STS: variants seen among roughly 807,000 people sequenced by gnomAD.
The protein encoded by STS is steroid sulfatase.
In STS, 7 loss-of-function variants were observed where a neutral mutation model predicts 26.8. The ratio of observed to expected loss-of-function variants is 0.26; its 90% CI spans 0.15 to 0.49. The LOEUF (loss-of-function observed/expected upper bound fraction) is 0.49, where lower values mean the gene tolerates loss of function less well. STS is among the 20% of genes least tolerant of loss of function. The probability of loss-of-function intolerance (pLI) is 0.98; values close to 1 mark genes in which losing one functional copy is unlikely to be tolerated. For synonymous variants in STS, 199 were observed against 189.4 expected (o/e 1.05, Z -0.42); for missense variants, 434 against 465.6 (o/e 0.93, Z 0.63).
chrX:7,153,100 G>A (rs1199608388), intron 1 of STS, among the ~76,000 whole-genome samples: 2 of 111,662 alleles, frequency 1.8e-5, no homozygotes, highest in African/African-American at 6.5e-5. Context: ...TCACTGACTA[G>A]ACATGACTGG....
At chrX:7,207,532 A>G (rs1920959107) in intron 2 of STS, among the ~76,000 whole-genome samples, 1 of 111,754 alleles carries the variant, frequency 8.9e-6, no homozygotes, top group Non-Finnish European at 1.9e-5. Flanking sequence ...ATTTATACAT[A>G]TTAATTTTTT....
At chrX:7,344,183 G>T (rs1928420348) in intron 10 of STS, among the ~76,000 whole-genome samples, 1 of 111,748 alleles carries the variant, frequency 8.9e-6, no homozygotes, top group South Asian at 3.8e-4. Flanking sequence ...CATTTCAGGG[G>T]CTCAGCCCAG....
At chrX:7,214,837 G>A (rs1382700903) in intron 2 of STS, among the ~76,000 whole-genome samples, 2 of 105,797 alleles carry the variant, frequency 1.9e-5, no homozygotes, top group African/African-American at 6.9e-5. Context: ...TAGAATAATA[G>A]TCTCCAATCC....
intron 6 of STS, among the ~76,000 whole-genome samples, chrX:7,263,692 G>A (rs1923862189): frequency 8.9e-6 from 1 of 111,968 alleles, no homozygotes; most frequent in African/African-American, 3.3e-5. Flanking sequence ...CTGCTTATTG[G>A]TATTTTAATA....
intron 6 of STS, among the ~76,000 whole-genome samples, chrX:7,260,392 T>A (rs1190349994): frequency 7.2e-5 from 8 of 111,465 alleles, no homozygotes; most frequent in Admixed American, 6.6e-4. Flanking sequence ...GTGTCAGATA[T>A]CCCACTGGTT....
At chrX:7,149,025 A>G (rs773342410) in intron 1 of STS, among the ~76,000 whole-genome samples, 2 of 110,037 alleles carry the variant, frequency 1.8e-5, no homozygotes, top group East Asian at 5.7e-4. Context: ...TTTATGTGGT[A>G]TATTCACGTT....
chrX:7,309,065 A>G (rs1229039759), intron 8 of STS, among the ~76,000 whole-genome samples: 1 of 111,557 alleles, frequency 9.0e-6, no homozygotes, highest in Non-Finnish European at 1.9e-5. Flanking sequence ...GCTACAGTGC[A>G]GCGGAGCCAT....
At position 7,205,438 on chromosome X, in the gene STS, T is replaced by C. The variant is rs187325734; in HGVS notation, c.-5+14430T>C. ...ATGAAGGCTTTCTCCCCATACTGAC[T>C]AGCAGCTTGCTTGGGAGCAGAGACC... On this transcript the variant is annotated intron_variant, in intron 2 of 10. Transcript: ENST00000674429. Among the ~76,000 whole-genome samples the C allele has an allele frequency of 3.5e-3, 391 of 111,480 alleles. 1 individual carries two copies. Among genetic ancestry groups the C allele is most frequent in the African/African-American group, 0.012 (367 of 30,697 alleles).
In STS at chrX:7,338,463, T is replaced by C. The variant is rs147082582; in HGVS notation, c.1363+4356T>C. On this transcript the variant is annotated intron_variant, in intron 10 of 10. Coordinates refer to ENST00000674429, the MANE Select transcript of STS (RefSeq NM_001320752.2). ...TTTTGTACAGACATATATGGAATCT[T>C]AGCATCATGTAGACAAGAAAGTCAC... 1.6e-3 allele frequency among the ~76,000 whole-genome samples: 181 copies of C among 112,247 alleles called. 1 individual carries two copies. The highest frequency in any genetic ancestry group is 5.7e-3 in the African/African-American group (176 of 30,948).
intron 8 of STS, among the ~76,000 whole-genome samples, chrX:7,322,887 C>T (rs1927108434): frequency 8.9e-6 from 1 of 112,197 alleles, no homozygotes; most frequent in African/African-American, 3.2e-5. Context: ...ACTCTGAACT[C>T]ACCCTTCCTG....
intron 9 of STS, among the ~76,000 whole-genome samples, chrX:7,330,000 C>T (rs1016775513): frequency 1.8e-5 from 2 of 111,806 alleles, no homozygotes; most frequent in African/African-American, 6.5e-5. Context: ...CGTGAGATTT[C>T]TCTCTGGCAG....
intron 2 of STS, among the ~76,000 whole-genome samples, chrX:7,252,966 C>T (rs1419782728): frequency 9.0e-6 from 1 of 111,523 alleles, no homozygotes; most frequent in Non-Finnish European, 1.9e-5. Flanking sequence ...GCCTGGGCAA[C>T]ATAACAAGAC....
upstream of STS, among the ~76,000 whole-genome samples, chrX:7,147,615 C>T (rs1385542555): frequency 8.9e-6 from 1 of 112,459 alleles, no homozygotes; most frequent in Admixed American, 9.3e-5. Flanking sequence ...AAGTATCCTC[C>T]AGGCTACTTT....
chrX:7,297,209 C>T (rs940723316), intron 7 of STS, among the ~76,000 whole-genome samples: 6 of 109,713 alleles, frequency 5.5e-5, no homozygotes, highest in Non-Finnish European at 9.5e-5. Context: ...GTAACCTTTC[C>T]TCTCAAAGTG....
At chrX:7,288,157 C>CT (rs58390637) in intron 7 of STS, among the ~76,000 whole-genome samples, 42,291 of 99,402 alleles carry the variant, frequency 0.43, 7,150 homozygotes, top group African/African-American at 0.52. Flanking sequence ...TTTTTCCTGC[C>CT]TTTTTTTTTT....
intron 6 of STS, among the ~76,000 whole-genome samples, chrX:7,264,050 T>G (rs1483428469): frequency 8.9e-6 from 1 of 111,751 alleles, no homozygotes; most frequent in Non-Finnish European, 1.9e-5. Flanking sequence ...CATGAGCTAT[T>G]TGTCATGATT....
chrX:7,233,462 C>G (rs1457206846), intron 2 of STS, among the ~76,000 whole-genome samples: 1 of 111,602 alleles, frequency 9.0e-6, no homozygotes, highest in Non-Finnish European at 1.9e-5. Context: ...CTTGCTGGAT[C>G]ATATGGCAGT....
chrX:7,150,282 C>T (rs1243943052), intron 1 of STS, among the ~76,000 whole-genome samples: 2 of 111,698 alleles, frequency 1.8e-5, no homozygotes, highest in Non-Finnish European at 3.8e-5. Context: ...AGCACGGTGG[C>T]GCAATCTCTG....
chrX:7,231,796 G>A (rs375065790), intron 2 of STS, among the ~76,000 whole-genome samples: 1 of 107,004 alleles, frequency 9.3e-6, no homozygotes, highest in African/African-American at 3.4e-5. Context: ...CCTGTTGCAC[G>A]CTTGCAACGT....
Sources: gnomAD v4.1 joint callset for allele counts (sites outside exome capture counted in the v4.1 genomes callset) on GRCh38, gnomAD v4.1.1 for gene constraint, MANE v1.5 for transcripts, NCBI Gene and HGNC (gene_info 2026-07-23, HGNC 2026-07-21) for gene names.